Variants in COL6A6 observed in about 807,000 individuals in gnomAD.
The protein encoded by COL6A6 is collagen type VI alpha 6 chain.
COL6A6 carries 183 observed loss-of-function variants against 208.6 expected under a neutral mutation model. The ratio of observed to expected loss-of-function variants is 0.88; its 90% CI spans 0.78 to 0.99. The LOEUF is 0.99. Among genes scored for constraint, COL6A6 ranks in the 50% least tolerant of loss-of-function variants. COL6A6 has a pLI of 0.00. For synonymous variants in COL6A6, 973 were observed against 1,011.8 expected (o/e 0.96, Z 0.73); for missense variants, 2,816 against 2,815.2 (o/e 1.00, Z -0.01).
chr3:130,663,797 G>A (rs1248563549), intron 35 of COL6A6, among the ~76,000 whole-genome samples: 1 of 152,142 alleles, frequency 6.6e-6, no homozygotes, highest in Non-Finnish European at 1.5e-5. Context: ...GATACATAAA[G>A]TGCTTTGGGA....
chr3:130,642,341 C>A (rs960173204), intron 29 of COL6A6, among the ~76,000 whole-genome samples: 2 of 150,272 alleles, frequency 1.3e-5, no homozygotes, highest in Admixed American at 1.3e-4. Context: ...TCAATTGAGT[C>A]CGATCATTTT....
Position 130,649,134 on chromosome 3 carries a change from ACT to A in COL6A6, c.5306_5307del (p.Thr1769ArgfsTer5). 1 of 1,586,396 alleles carries A rather than the reference ACT, an allele frequency of 6.3e-7. No individual in the cohort carries two copies. The highest frequency in any genetic ancestry group is 8.6e-7 in the Non-Finnish European group (1 of 1,165,770). Reference protein sequence around the residue: ...VFALDHSRDVTEQEFERMKEM... With the variant: ...VFALDHSRDVXEQEFERMKEM... ...TGCCCTGGACCACTCCCGGGATGTC[ACT>A]GAGCAGGAATTTGAGCGGATGAAGG... On this transcript the variant is annotated frameshift_variant, in exon 33 of 37. Transcript: ENST00000358511. LOFTEE classifies it high-confidence loss of function.
chr3:130,606,947 G>A lies in COL6A6; in HGVS notation c.4670G>A (p.Arg1557Lys), dbSNP rs1210330154. 6.2e-6 allele frequency: 10 copies of A among 1,610,184 alleles called. No individual in the cohort carries two copies. The highest frequency in any genetic ancestry group is 7.6e-6 in the Non-Finnish European group (9 of 1,178,330). ...SRRKTAAHGR[R>K]GHTGPQGTAG... is the part of the protein sequence containing the mutation. ...CTATTTTAGGCAGCTCATGGCAGAA[G>A]GGGACATACAGGCCCACAGGTACAA... Residue 1557 changes from arginine to lysine, a missense_variant, in exon 21 of 37, where the codon AGG (arginine) becomes AAG (lysine). Transcript: ENST00000358511.
At chr3:130,595,915 A>T (rs2063839111) in intron 18 of COL6A6, among the ~76,000 whole-genome samples, 1 of 152,172 alleles carries the variant, frequency 6.6e-6, no homozygotes, top group Admixed American at 6.5e-5. Context: ...TTATACTCCC[A>T]CTAGCAATGT....
At chr3:130,644,555 C>T (rs887253900) in intron 31 of COL6A6, among the ~76,000 whole-genome samples, 3 of 152,052 alleles carry the variant, frequency 2.0e-5, no homozygotes, top group African/African-American at 7.3e-5. Context: ...ATATAGTATA[C>T]ACATATATAC....
At chr3:130,659,073 T>A (rs1243927771) in intron 34 of COL6A6, among the ~76,000 whole-genome samples, 1 of 152,250 alleles carries the variant, frequency 6.6e-6, no homozygotes, top group Non-Finnish European at 1.5e-5. Flanking sequence ...GCCAAGTTTT[T>A]ATGCTATAAA....
intron 28 of COL6A6, among the ~76,000 whole-genome samples, chr3:130,636,489 T>A (rs934271867): frequency 6.6e-6 from 1 of 152,306 alleles, no homozygotes; most frequent in African/African-American, 2.4e-5. Context: ...GATACAGTGA[T>A]CATCTTTTTT....
At chr3:130,648,108 C>T (rs953566680) in intron 32 of COL6A6, among the ~76,000 whole-genome samples, 10 of 152,010 alleles carry the variant, frequency 6.6e-5, no homozygotes, top group Admixed American at 1.3e-4. Context: ...TGCAAAGTAC[C>T]GAAATTAGAA....
chr3:130,554,863 G>T (rs1403791324), intron 1 of COL6A6, among the ~76,000 whole-genome samples: 1 of 152,140 alleles, frequency 6.6e-6, no homozygotes, highest in African/African-American at 2.4e-5. Flanking sequence ...GGACTGCTCT[G>T]CTGGAGCACT....
At chr3:130,570,760 G>A (rs1232093395) in intron 6 of COL6A6, 58 bp from the exon 7 acceptor site, 35 of 1,325,218 alleles carry the variant, frequency 2.6e-5, no homozygotes, top group South Asian at 4.1e-5. Context: ...AGGTTGAGGC[G>A]TCTCCCATGC....
intron 34 of COL6A6, among the ~76,000 whole-genome samples, chr3:130,659,804 C>T (rs893552599): frequency 2.0e-5 from 3 of 152,160 alleles, no homozygotes; most frequent in Non-Finnish European, 2.9e-5. Flanking sequence ...GATGCAAATG[C>T]CTGCCATATA....
chr3:130,592,786 G>T (rs1022304995), intron 15 of COL6A6, 64 bp downstream of exon 15: 14 of 1,414,468 alleles, frequency 9.9e-6, no homozygotes, highest in Non-Finnish European at 1.4e-5. Flanking sequence ...TTATTTTTGA[G>T]ATTATTTATC....
intron 20 of COL6A6, among the ~76,000 whole-genome samples, chr3:130,602,480 T>C (rs1285450159): frequency 6.6e-6 from 1 of 152,162 alleles, no homozygotes; most frequent in Admixed American, 6.5e-5. Context: ...AGAAGAGGAA[T>C]TATTCAAGGA....
At chr3:130,542,264 T>G (rs1208799254) in intron 1 of COL6A6, among the ~76,000 whole-genome samples, 1 of 152,160 alleles carries the variant, frequency 6.6e-6, no homozygotes, top group Non-Finnish European at 1.5e-5. Flanking sequence ...CATCTTTTAA[T>G]TTCTTGTTTT....
chr3:130,545,452 ATTTT>A (rs58217937), intron 1 of COL6A6, among the ~76,000 whole-genome samples: 30 of 134,516 alleles, frequency 2.2e-4, no homozygotes, highest in Non-Finnish European at 2.4e-4. Context: ...GCTTTCAGGC[ATTTT>A]TTTTTTTTTT....
At chr3:130,541,858 T>A (rs963155096) in intron 1 of COL6A6, among the ~76,000 whole-genome samples, 5 of 152,220 alleles carry the variant, frequency 3.3e-5, no homozygotes, top group African/African-American at 1.2e-4. Flanking sequence ...ATAAGCCTGT[T>A]CAGGTTGTAT....
Position 130,563,501 on chromosome 3 carries a change from G to A in COL6A6, c.498G>A (p.Val166=), listed in dbSNP as rs2062943688. ...KDGVKIISVG[V]QKASEENLKA... is the part of the protein sequence containing the mutation. The stretch of plus-strand genomic sequence containing the variant: ...GAGTGAAAATCATCTCTGTAGGGGT[G>A]CAGAAAGCTTCTGAGGAAAACCTGA... Residue 166 remains valine (V), a synonymous_variant, in exon 3 of 37, where the codon GTG becomes GTA. Transcript: ENST00000358511. 1.5e-5 allele frequency: 25 copies of A among 1,613,914 alleles called. No individual in the cohort carries two copies. In the East Asian group the frequency reaches 5.6e-4, roughly 36 times the overall value.
chr3:130,631,226 G>A lies in COL6A6; in HGVS notation c.4993-3364G>A, dbSNP rs1193371765. On this transcript the variant is annotated intron_variant, in intron 26 of 36. Coordinates refer to ENST00000358511, the MANE Select transcript of COL6A6 (RefSeq NM_001102608.3). Reference sequence around the variant, plus strand: ...AAATGATAAAGGGGATATCACCACCGATCCCACAGAAATACAAACTACCAT... The same window carrying A: ...AAATGATAAAGGGGATATCACCACCAATCCCACAGAAATACAAACTACCAT... 1.5e-3 allele frequency among the ~76,000 whole-genome samples: 135 copies of A among 90,650 alleles called. 2 individuals carry two copies. Among genetic ancestry groups the A allele is most frequent in the Non-Finnish European group, 1.4e-3 (75 of 54,288 alleles). The allele number at this position is 90,650 out of a possible 152,430, so 59.5% of individuals were successfully genotyped here.
At position 130,670,476 on chromosome 3, in the gene COL6A6, T is replaced by C. The variant is rs370515239; in HGVS notation, c.6597-4726T>C. Reference sequence around the variant, plus strand: ...GTCCAATGGGATAATAAAGCACGTGTTGGGGAGTCGGAACCTAGAGACTTG... The same window carrying C: ...GTCCAATGGGATAATAAAGCACGTGCTGGGGAGTCGGAACCTAGAGACTTG... On this transcript the variant is annotated intron_variant, in intron 36 of 36. Coordinates refer to ENST00000358511, the MANE Select transcript of COL6A6 (RefSeq NM_001102608.3). Among the ~76,000 whole-genome samples, 29 of 152,316 alleles carry C rather than the reference T, an allele frequency of 1.9e-4. 1 individual carries two copies. In the South Asian group the frequency reaches 4.8e-3, roughly 25 times the overall value.
Sources: allele counts gnomAD v4.1 joint callset (sites outside exome capture counted in the v4.1 genomes callset), GRCh38; gene constraint gnomAD v4.1.1; transcripts MANE v1.5; gene names NCBI Gene and HGNC (gene_info 2026-07-23, HGNC 2026-07-21).